WWOX: variants seen among roughly 807,000 people sequenced by gnomAD.
The protein encoded by WWOX is WW domain containing oxidoreductase, also known as WW domain-containing oxidoreductase.
WWOX carries 69 observed loss-of-function variants against 46.2 expected under a neutral mutation model. That is an observed-to-expected ratio of 1.49 (90% CI 1.23 to 1.82). The LOEUF is 1.82. WWOX is among the 40% of genes most tolerant of loss of function. The pLI is 0.00. For missense variants in WWOX, 919 were observed against 542.6 expected, an observed-to-expected ratio of 1.69 and a Z score of -6.89; for synonymous variants, 359 against 202.6, an observed-to-expected ratio of 1.77 and a Z score of -6.56.
chr16:78,266,788 T>TTCTCTCTCTTTCTCTCTCTCTCTCTC (rs767644576), intron 5 of WWOX, among the ~76,000 whole-genome samples: 7 of 115,532 alleles, frequency 6.1e-5, no homozygotes, highest in Non-Finnish European at 1.1e-4. Flanking sequence ...TATTCTTCTA[T>TTCTCTCTCTTTCTCTCTCTCTCTCTC]TCTCTCTCTC....
chr16:78,302,497 C>T (rs938570458), intron 5 of WWOX, among the ~76,000 whole-genome samples: 14 of 152,134 alleles, frequency 9.2e-5, no homozygotes, highest in Non-Finnish European at 1.6e-4. Context: ...TATTGCCTAC[C>T]TGCAGACATG....
At chr16:78,297,867 G>A (rs1298729993) in intron 5 of WWOX, among the ~76,000 whole-genome samples, 1 of 152,132 alleles carries the variant, frequency 6.6e-6, no homozygotes, top group Non-Finnish European at 1.5e-5. Context: ...TCCATATGGA[G>A]TTGATATGGT....
At chr16:79,111,220 C>T (rs1228025646) in intron 8 of WWOX, among the ~76,000 whole-genome samples, 11 of 152,172 alleles carry the variant, frequency 7.2e-5, no homozygotes, top group African/African-American at 2.7e-4. Flanking sequence ...TGACCAAGGG[C>T]TCATGATTTG....
At chr16:78,617,380 C>A (rs911560181) in intron 8 of WWOX, among the ~76,000 whole-genome samples, 3 of 147,156 alleles carry the variant, frequency 2.0e-5, no homozygotes, top group African/African-American at 7.6e-5. Context: ...CCAGCCTGGG[C>A]CACACAGAGA....
chr16:78,421,806 C>A (rs769729724), intron 6 of WWOX, among the ~76,000 whole-genome samples: 2 of 152,286 alleles, frequency 1.3e-5, no homozygotes, highest in Middle Eastern at 3.4e-3. Flanking sequence ...TGATAAAATA[C>A]TTCTCCCTCA....
intron 5 of WWOX, among the ~76,000 whole-genome samples, chr16:78,171,250 GA>G (rs1448484919): frequency 1.1e-4 from 17 of 152,100 alleles, no homozygotes; most frequent in African/African-American, 3.9e-4. Flanking sequence ...TGATATTAAG[GA>G]ACGATGGGTA....
intron 5 of WWOX, among the ~76,000 whole-genome samples, chr16:78,247,638 G>C (rs1848651755): frequency 6.6e-6 from 1 of 152,164 alleles, no homozygotes; most frequent in East Asian, 1.9e-4. Context: ...CCTTATAAAA[G>C]CTCATGGTTC....
chr16:78,536,380 G>T (rs2043760001), intron 8 of WWOX, among the ~76,000 whole-genome samples: 1 of 151,770 alleles, frequency 6.6e-6, no homozygotes, highest in East Asian at 1.9e-4. Context: ...CGAGCTGTGG[G>T]GCATCCAAGA....
chr16:78,641,473 A>C (rs973952991), intron 8 of WWOX, among the ~76,000 whole-genome samples: 1 of 152,068 alleles, frequency 6.6e-6, no homozygotes, highest in African/African-American at 2.4e-5. Context: ...TCCCCACCCA[A>C]TCCCCTCTCA....
chr16:78,496,928 G>A (rs1196261208), intron 8 of WWOX, among the ~76,000 whole-genome samples: 4 of 152,134 alleles, frequency 2.6e-5, no homozygotes, highest in African/African-American at 4.8e-5. Flanking sequence ...CTCCTTTCCC[G>A]CCCTCTCAAG....
chr16:79,133,118 C>A (rs1027949534), intron 8 of WWOX, among the ~76,000 whole-genome samples: 4 of 152,182 alleles, frequency 2.6e-5, no homozygotes, highest in African/African-American at 9.6e-5. Flanking sequence ...TTACATAAAG[C>A]CCCTGCTAAT....
At chr16:79,165,753 G>A (rs1445866998) in intron 8 of WWOX, among the ~76,000 whole-genome samples, 1 of 152,128 alleles carries the variant, frequency 6.6e-6, no homozygotes, top group Non-Finnish European at 1.5e-5. Flanking sequence ...GGCCAAGCTC[G>A]GCTAGTCAAA....
chr16:78,514,268 G>A (rs1449140798), intron 8 of WWOX, among the ~76,000 whole-genome samples: 1 of 152,088 alleles, frequency 6.6e-6, no homozygotes, highest in Admixed American at 6.6e-5. Flanking sequence ...CCCTCCTTTA[G>A]TAATTAGATA....
chr16:78,125,817 G>A (rs907561957), intron 4 of WWOX, among the ~76,000 whole-genome samples: 2 of 152,228 alleles, frequency 1.3e-5, no homozygotes, highest in Admixed American at 6.5e-5. Flanking sequence ...TTCATCAAGC[G>A]CCTGTATATG....
intron 8 of WWOX, among the ~76,000 whole-genome samples, chr16:78,827,696 C>G (rs555390877): frequency 6.6e-6 from 1 of 151,022 alleles, no homozygotes; most frequent in African/African-American, 2.4e-5. Flanking sequence ...AAAAAATTAG[C>G]CAGGCATGGT....
chr16:78,374,527 ATTTTTT>A (rs541225697), intron 5 of WWOX, among the ~76,000 whole-genome samples: 21 of 70,888 alleles, frequency 3.0e-4, no homozygotes, highest in African/African-American at 1.0e-3. Context: ...TCTGTCTTGA[ATTTTTT>A]TTTTTTTTTT....
intron 8 of WWOX, among the ~76,000 whole-genome samples, chr16:78,582,720 G>C (rs897336781): frequency 6.6e-6 from 1 of 152,136 alleles, no homozygotes; most frequent in African/African-American, 2.4e-5. Flanking sequence ...GTTATGCATA[G>C]GGTTGTTAGA....
At chr16:78,830,803 C>A (rs192172732) in intron 8 of WWOX, among the ~76,000 whole-genome samples, 5 of 151,858 alleles carry the variant, frequency 3.3e-5, no homozygotes, top group Non-Finnish European at 7.4e-5. Context: ...GCGTTCCCTC[C>A]CTCCTTGCCA....
chr16:79,122,381 A>G (rs1273250669), intron 8 of WWOX, among the ~76,000 whole-genome samples: 1 of 152,126 alleles, frequency 6.6e-6, no homozygotes, highest in East Asian at 1.9e-4. Context: ...GCCGCACAAA[A>G]TCCTCCAATA....
Sources: gnomAD v4.1 joint callset for allele counts (sites outside exome capture counted in the v4.1 genomes callset) on GRCh38, gnomAD v4.1.1 for gene constraint, MANE v1.5 for transcripts, NCBI Gene and HGNC (gene_info 2026-07-23, HGNC 2026-07-21) for gene names.